Variants in ROBO1 observed in about 807,000 individuals in gnomAD.
The protein encoded by ROBO1 is roundabout homolog 1.
ROBO1 carries 149 observed loss-of-function variants against 195.9 expected under a neutral mutation model. The observed-to-expected ratio is 0.76, with a 90% confidence interval of 0.67 to 0.87. ROBO1 has a LOEUF of 0.87. Ranked by LOEUF, ROBO1 falls within the 40% of genes least tolerant of loss-of-function variation. The probability of loss-of-function intolerance (pLI) is 0.00; values close to 1 mark genes in which losing one functional copy is unlikely to be tolerated. For missense variants in ROBO1, 1,933 were observed against 2,068.3 expected, an observed-to-expected ratio of 0.93 and a Z score of 1.27; for synonymous variants, 816 against 733.2, an observed-to-expected ratio of 1.11 and a Z score of -1.82.
At chr3:78,713,714 T>C (rs1179466375) in intron 8 of ROBO1, among the ~76,000 whole-genome samples, 1 of 152,194 alleles carries the variant, frequency 6.6e-6, no homozygotes, top group Non-Finnish European at 1.5e-5. Flanking sequence ...TTTCCTCCTA[T>C]CAGCTTAAGA....
chr3:79,268,807 G>A (rs1246319435), intron 2 of ROBO1, among the ~76,000 whole-genome samples: 3 of 151,550 alleles, frequency 2.0e-5, no homozygotes, highest in Non-Finnish European at 4.4e-5. Flanking sequence ...ATTGACATGG[G>A]TTTTGAGTAT....
intron 2 of ROBO1, among the ~76,000 whole-genome samples, chr3:79,302,128 G>A (rs1404640106): frequency 2.0e-5 from 3 of 152,174 alleles, no homozygotes; most frequent in Non-Finnish European, 2.9e-5. Flanking sequence ...GGAACTGAAT[G>A]TTAGTACAGG....
At chr3:79,424,345 A>G (rs375686403) in intron 2 of ROBO1, among the ~76,000 whole-genome samples, 1 of 152,152 alleles carries the variant, frequency 6.6e-6, no homozygotes, top group African/African-American at 2.4e-5. Context: ...CACACTGAAT[A>G]TGACCTGGAC....
intron 9 of ROBO1, among the ~76,000 whole-genome samples, chr3:78,686,181 G>T (rs895979314): frequency 6.6e-6 from 1 of 151,970 alleles, no homozygotes; most frequent in African/African-American, 2.4e-5. Flanking sequence ...ACCTCAAATA[G>T]GGTCATTTGA....
chr3:78,977,247 T>G (rs1382835522), intron 3 of ROBO1, among the ~76,000 whole-genome samples: 1 of 152,114 alleles, frequency 6.6e-6, no homozygotes, highest in Admixed American at 6.6e-5. Context: ...TTCCTCTAAT[T>G]TAGAAAAATC....
intron 3 of ROBO1, among the ~76,000 whole-genome samples, chr3:78,963,494 G>GTTTTTTTTTTTTTTTTTTT (rs750158094): frequency 1.9e-4 from 14 of 72,304 alleles, no homozygotes; most frequent in Non-Finnish European, 2.3e-4. Context: ...AAAACCTTCA[G>GTTTTTTTTTTTTTTTTTTT]TTTTTTTTTT....
At chr3:78,974,487 T>C (rs1231857515) in intron 3 of ROBO1, among the ~76,000 whole-genome samples, 2 of 152,048 alleles carry the variant, frequency 1.3e-5, no homozygotes, top group African/African-American at 4.8e-5. Context: ...GGATAGATAG[T>C]TTTACGAAAT....
intron 3 of ROBO1, among the ~76,000 whole-genome samples, chr3:79,009,185 A>T (rs1235779400): frequency 7.0e-6 from 1 of 142,042 alleles, no homozygotes; most frequent in Admixed American, 7.2e-5. Flanking sequence ...AACTGCTGAC[A>T]TCAGGTGATC....
At chr3:78,704,782 C>T (rs532377675) in intron 8 of ROBO1, among the ~76,000 whole-genome samples, 69 of 151,994 alleles carry the variant, frequency 4.5e-4, no homozygotes, top group Admixed American at 7.2e-4. Flanking sequence ...GTCAATGCTG[C>T]AGTGAGCCAT....
intron 2 of ROBO1, chr3:79,507,908 A>G (rs2107529094): frequency 1.3e-5 from 2 of 154,882 alleles, no homozygotes; most frequent in South Asian, 2.0e-4. Context: ...CTCTAATCCA[A>G]TATTACTAGC....
intron 2 of ROBO1, among the ~76,000 whole-genome samples, chr3:79,259,627 A>G (rs2082903376): frequency 6.6e-6 from 1 of 151,782 alleles, no homozygotes; most frequent in East Asian, 1.9e-4. Flanking sequence ...TCTACTCTCT[A>G]TATCCACCCA....
intron 1 of ROBO1, among the ~76,000 whole-genome samples, chr3:79,762,373 C>T (rs527963503): frequency 1.3e-5 from 2 of 152,122 alleles, no homozygotes; most frequent in East Asian, 3.9e-4. Context: ...TTAATTTCAG[C>T]ATATGAATTT....
chr3:78,756,804 T>C (rs2082944196), intron 4 of ROBO1, among the ~76,000 whole-genome samples: 1 of 152,190 alleles, frequency 6.6e-6, no homozygotes. Context: ...CTAGTGGTCC[T>C]GAAGAAAAGG....
chr3:78,600,535 C>T (rs554360197), intron 29 of ROBO1, among the ~76,000 whole-genome samples: 1 of 152,210 alleles, frequency 6.6e-6, no homozygotes, highest in East Asian at 1.9e-4. Flanking sequence ...GGATTGATTC[C>T]ACTCATAAGC....
chr3:79,262,219 A>G (rs1432852876), intron 2 of ROBO1, among the ~76,000 whole-genome samples: 2 of 152,078 alleles, frequency 1.3e-5, no homozygotes, highest in Non-Finnish European at 2.9e-5. Flanking sequence ...CCTCTGAGGG[A>G]TAGCTCTTAA....
At chr3:78,860,139 G>GTAGATAGATAGATAGATAGA (rs766675007) in intron 4 of ROBO1, among the ~76,000 whole-genome samples, 5 of 141,976 alleles carry the variant, frequency 3.5e-5, no homozygotes, top group African/African-American at 1.1e-4. Flanking sequence ...AGGTAGATAG[G>GTAGATAGATAGATAGATAGA]TAGATAGATA....
chr3:78,665,627 C>A (rs1707686590), intron 14 of ROBO1, among the ~76,000 whole-genome samples: 1 of 152,022 alleles, frequency 6.6e-6, no homozygotes, highest in Non-Finnish European at 1.5e-5. Context: ...AAATACAAGT[C>A]CAATAACAGA....
At chr3:78,972,519 G>GT (rs1263716963) in intron 3 of ROBO1, among the ~76,000 whole-genome samples, 1 of 152,150 alleles carries the variant, frequency 6.6e-6, no homozygotes, top group African/African-American at 2.4e-5. Context: ...AACTAGAGTT[G>GT]TATTATAAGC....
chr3:79,657,802 A>T (rs991789818), intron 1 of ROBO1, among the ~76,000 whole-genome samples: 2 of 152,090 alleles, frequency 1.3e-5, no homozygotes, highest in Non-Finnish European at 2.9e-5. Context: ...TGCTGGTAGA[A>T]TCAATTTGGT....
Sources: allele counts gnomAD v4.1 joint callset (sites outside exome capture counted in the v4.1 genomes callset), GRCh38; gene constraint gnomAD v4.1.1; transcripts MANE v1.5; gene names NCBI Gene and HGNC (gene_info 2026-07-23, HGNC 2026-07-21).